INTS9: variants seen among roughly 807,000 people sequenced by gnomAD.
INTS9 encodes integrator complex subunit 9.
In INTS9, 55 loss-of-function variants were observed where a neutral mutation model predicts 79.7. The observed-to-expected ratio is 0.69, with a 90% CI of 0.56 to 0.86. INTS9 has a LOEUF of 0.86. Ranked by LOEUF, INTS9 falls within the 40% of genes least tolerant of loss-of-function variation. The pLI is 0.00. For missense variants in INTS9, 721 were observed against 831.5 expected, an observed-to-expected ratio of 0.87 and a Z score of 1.64; for synonymous variants, 319 against 325.2, an observed-to-expected ratio of 0.98 and a Z score of 0.20.
At chr8:28,842,572 C>A (rs1179560394) in intron 4 of INTS9, among the ~76,000 whole-genome samples, 1 of 152,144 alleles carries the variant, frequency 6.6e-6, no homozygotes, top group East Asian at 1.9e-4. Flanking sequence ...CAGAAGCACT[C>A]ATCTTGGTCG....
chr8:28,877,747 A>C (rs1333675562), intron 1 of INTS9, among the ~76,000 whole-genome samples: 2 of 152,214 alleles, frequency 1.3e-5, no homozygotes, highest in Admixed American at 1.3e-4. Context: ...TTTTTGAGAT[A>C]TATTGACACT....
At position 28,790,969 on chromosome 8, in the gene INTS9, T is replaced by C. The variant is rs141325585; in HGVS notation, c.1037+2838A>G. On this transcript the variant is annotated intron_variant, in intron 10 of 16. Coordinates refer to ENST00000521022, the MANE Select transcript of INTS9 (RefSeq NM_018250.4). ...ACTTGCTGTATGAACCTACCCTTCC[T>C]TTGTAGAACCTATTTTGTTTGGGGT... Among the ~76,000 whole-genome samples, 272 of 152,344 alleles carry C rather than the reference T, an allele frequency of 1.8e-3. 1 individual carries two copies. Among genetic ancestry groups the C allele is most frequent in the African/African-American group, 6.2e-3 (259 of 41,578 alleles).
At position 28,827,985 on chromosome 8, in the gene INTS9, G is replaced by T. The variant is rs574165506; in HGVS notation, c.488+7307C>A. 1.6e-3 allele frequency among the ~76,000 whole-genome samples: 244 copies of T among 152,214 alleles called. 1 individual carries two copies. The highest frequency in any genetic ancestry group is 2.9e-3 in the Non-Finnish European group (199 of 68,010). On this transcript the variant is annotated intron_variant, in intron 6 of 16. Coordinates refer to ENST00000521022, the MANE Select transcript of INTS9 (RefSeq NM_018250.4). ...GTGAGCATGAATCAGTCCCTCAGAG[G>T]CTAATCAACTCCGAGTGAAATGAAA...
chr8:28,789,113 G>T (rs994393336), intron 10 of INTS9, among the ~76,000 whole-genome samples: 1 of 152,134 alleles, frequency 6.6e-6, no homozygotes, highest in African/African-American at 2.4e-5. Context: ...CTTTTGGAGG[G>T]TTACCTTATA....
chr8:28,858,264 C>G (rs954198944), intron 2 of INTS9, among the ~76,000 whole-genome samples: 1 of 152,086 alleles, frequency 6.6e-6, no homozygotes, highest in Non-Finnish European at 1.5e-5. Context: ...AAATCTTCAT[C>G]TGTGTGATGT....
chr8:28,807,085 C>T (rs925315093), intron 8 of INTS9, among the ~76,000 whole-genome samples: 3 of 151,966 alleles, frequency 2.0e-5, no homozygotes, highest in Admixed American at 1.3e-4. Context: ...CAAGTCTGAT[C>T]AAGATGATGA....
chr8:28,775,552 G>A (rs1802815537), intron 14 of INTS9, among the ~76,000 whole-genome samples: 1 of 152,160 alleles, frequency 6.6e-6, no homozygotes, highest in Non-Finnish European at 1.5e-5. Flanking sequence ...TGGCTGGGCT[G>A]GGTTGGCCAG....
intron 16 of INTS9, chr8:28,769,639 G>A (rs1308526132): frequency 2.1e-6 from 1 of 475,942 alleles, no homozygotes; most frequent in East Asian, 3.9e-5. Flanking sequence ...TGTGTGTGTG[G>A]AAGCAGCTTT....
intron 8 of INTS9, among the ~76,000 whole-genome samples, chr8:28,797,492 G>C (rs921291422): frequency 6.6e-6 from 1 of 152,122 alleles, no homozygotes; most frequent in African/African-American, 2.4e-5. Context: ...AAGTCTCACA[G>C]GTTAACATCC....
intron 1 of INTS9, among the ~76,000 whole-genome samples, chr8:28,888,798 T>C (rs1054367670): frequency 6.6e-6 from 1 of 152,216 alleles, no homozygotes; most frequent in African/African-American, 2.4e-5. Context: ...AGAAAACAGC[T>C]GGCTTTGCAG....
At chr8:28,843,932 T>C (rs1385173912) in intron 4 of INTS9, among the ~76,000 whole-genome samples, 3 of 152,116 alleles carry the variant, frequency 2.0e-5, no homozygotes, top group Admixed American at 6.6e-5. Flanking sequence ...ATGGGTCCCA[T>C]GGTTATTCAA....
At chr8:28,837,828 T>G in intron 4 of INTS9, 52 bp from the exon 5 acceptor site, 2 of 1,523,724 alleles carry the variant, frequency 1.3e-6, no homozygotes, top group Non-Finnish European at 1.8e-6. Flanking sequence ...TCGATCAATA[T>G]GATGTGACTA....
chr8:28,866,752 G>A (rs993642408), intron 1 of INTS9, among the ~76,000 whole-genome samples: 2 of 151,904 alleles, frequency 1.3e-5, no homozygotes, highest in South Asian at 2.1e-4. Context: ...CGAGGCGGGC[G>A]GGTCATGAGG....
At chr8:28,796,349 A>T (rs1217466805) in intron 9 of INTS9, among the ~76,000 whole-genome samples, 195 bp downstream of exon 9, 1 of 152,158 alleles carries the variant, frequency 6.6e-6, no homozygotes, top group Non-Finnish European at 1.5e-5. Flanking sequence ...CTATCTGTTC[A>T]CTGTATCGCT....
intron 14 of INTS9, among the ~76,000 whole-genome samples, chr8:28,772,398 C>T (rs1303739041): frequency 6.6e-6 from 1 of 152,108 alleles, no homozygotes; most frequent in Non-Finnish European, 1.5e-5. Context: ...CCTATAATCC[C>T]AGCTACTCGA....
At chr8:28,856,058 C>T (rs1808137861) in intron 2 of INTS9, among the ~76,000 whole-genome samples, 1 of 152,134 alleles carries the variant, frequency 6.6e-6, no homozygotes, top group South Asian at 2.1e-4. Context: ...TAAAAAGTCA[C>T]ACAAAAAAGA....
At chr8:28,843,100 T>C (rs1012779595) in intron 4 of INTS9, among the ~76,000 whole-genome samples, 36 of 152,222 alleles carry the variant, frequency 2.4e-4, no homozygotes, top group Non-Finnish European at 2.2e-4. Context: ...ACTTCTCGAC[T>C]TCAGGGACAA....
At chr8:28,803,586 T>C (rs571926573) in intron 8 of INTS9, among the ~76,000 whole-genome samples, 10 of 152,298 alleles carry the variant, frequency 6.6e-5, no homozygotes, top group African/African-American at 2.2e-4. Context: ...GTGGAAGAGT[T>C]AAACATTTCA....
intron 8 of INTS9, among the ~76,000 whole-genome samples, chr8:28,802,190 G>C (rs995365263): frequency 3.3e-5 from 5 of 152,160 alleles, no homozygotes; most frequent in Admixed American, 6.5e-5. Context: ...TTCTAAGCCA[G>C]AGATTCTTAA....
Sources: allele counts gnomAD v4.1 joint callset (sites outside exome capture counted in the v4.1 genomes callset), GRCh38; gene constraint gnomAD v4.1.1; transcripts MANE v1.5; gene names NCBI Gene and HGNC (gene_info 2026-07-23, HGNC 2026-07-21).